The following HS6ST3 variants were observed in gnomAD, a reference collection of about 807,000 sequenced individuals.
HS6ST3 encodes the protein heparan sulfate 6-O-sulfotransferase 3.
HS6ST3 carries 12 observed loss-of-function variants against 36.7 expected under a neutral mutation model. The ratio of observed to expected loss-of-function variants is 0.33; its 90% CI spans 0.21 to 0.53. The LOEUF (loss-of-function observed/expected upper bound fraction) is 0.53. HS6ST3 is among the 20% of genes least tolerant of loss of function. The pLI is 0.95. For synonymous variants in HS6ST3, 240 were observed against 257.5 expected (o/e 0.93, Z 0.65); for missense variants, 584 against 640.9 (o/e 0.91, Z 0.96).
chr13:96,798,178 G>A (rs1451483296), intron 1 of HS6ST3, among the ~76,000 whole-genome samples: 3 of 151,970 alleles, frequency 2.0e-5, no homozygotes, highest in African/African-American at 7.2e-5. Flanking sequence ...TATGGGAAGG[G>A]GCATGGAGTT....
intron 1 of HS6ST3, among the ~76,000 whole-genome samples, chr13:96,619,595 G>A (rs1204209087): frequency 6.6e-6 from 1 of 152,130 alleles, no homozygotes; most frequent in Non-Finnish European, 1.5e-5. Context: ...GTGTATTTAT[G>A]ATTGAACAGA....
chr13:96,431,928 C>T (rs2055617757), intron 1 of HS6ST3, among the ~76,000 whole-genome samples: 1 of 152,118 alleles, frequency 6.6e-6, no homozygotes, highest in South Asian at 2.1e-4. Flanking sequence ...CAGAACAAAG[C>T]ATGGTCAGCA....
chr13:96,233,422 G>A (rs2054517727), intron 1 of HS6ST3, among the ~76,000 whole-genome samples: 1 of 152,126 alleles, frequency 6.6e-6, no homozygotes, highest in Non-Finnish European at 1.5e-5. Flanking sequence ...AATAGCCAGT[G>A]GAAAATGCGG....
chr13:96,769,028 G>A (rs974486370), intron 1 of HS6ST3, among the ~76,000 whole-genome samples: 3 of 152,042 alleles, frequency 2.0e-5, no homozygotes, highest in Non-Finnish European at 4.4e-5. Context: ...AGCCATTTGG[G>A]GGACACTGCC....
At chr13:96,758,390 C>A (rs1438590578) in intron 1 of HS6ST3, among the ~76,000 whole-genome samples, 1 of 151,754 alleles carries the variant, frequency 6.6e-6, no homozygotes, top group Admixed American at 6.6e-5. Flanking sequence ...TACTTAATTC[C>A]ATCTGTTGAT....
At chr13:96,742,244 G>A (rs942593682) in intron 1 of HS6ST3, among the ~76,000 whole-genome samples, 9 of 151,928 alleles carry the variant, frequency 5.9e-5, no homozygotes, top group East Asian at 1.9e-4. Context: ...ACAAAAATAC[G>A]GCAGAAAAGG....
chr13:96,258,063 T>G (rs1261744473), intron 1 of HS6ST3, among the ~76,000 whole-genome samples: 1 of 152,236 alleles, frequency 6.6e-6, no homozygotes, highest in African/African-American at 2.4e-5. Flanking sequence ...TCCACTGGAC[T>G]TGATGGCAGT....
intron 1 of HS6ST3, among the ~76,000 whole-genome samples, chr13:96,340,591 G>A (rs2055125103): frequency 6.6e-6 from 1 of 152,194 alleles, no homozygotes; most frequent in African/African-American, 2.4e-5. Flanking sequence ...TGCCACACTA[G>A]GTGCCAAGAC....
chr13:96,790,071 G>A (rs1419754380), intron 1 of HS6ST3, among the ~76,000 whole-genome samples: 2 of 151,736 alleles, frequency 1.3e-5, no homozygotes, highest in Admixed American at 6.6e-5. Context: ...TTTCCTGTGA[G>A]TCCACAAGGC....
At chr13:96,253,212 C>T (rs2054616001) in intron 1 of HS6ST3, among the ~76,000 whole-genome samples, 1 of 152,012 alleles carries the variant, frequency 6.6e-6, no homozygotes. Flanking sequence ...TTGAGAACTG[C>T]AGGCCAGTTG....
chr13:96,449,938 C>T (rs2055719050), intron 1 of HS6ST3, among the ~76,000 whole-genome samples: 1 of 152,282 alleles, frequency 6.6e-6, no homozygotes, highest in African/African-American at 2.4e-5. Context: ...ATATTGCTTA[C>T]TAAAACTCTA....
chr13:96,359,207 A>G (rs1257909848), intron 1 of HS6ST3, among the ~76,000 whole-genome samples: 7 of 152,102 alleles, frequency 4.6e-5, no homozygotes, highest in Non-Finnish European at 1.0e-4. Flanking sequence ...ACTAGAAACA[A>G]ATACATTATG....
intron 1 of HS6ST3, among the ~76,000 whole-genome samples, chr13:96,822,280 C>G (rs554134990): frequency 6.6e-6 from 1 of 152,300 alleles, no homozygotes; most frequent in Admixed American, 6.5e-5. Context: ...CATCCTCATG[C>G]CCAAATCCCA....
At chr13:96,585,211 C>T (rs992719165) in intron 1 of HS6ST3, among the ~76,000 whole-genome samples, 1 of 151,904 alleles carries the variant, frequency 6.6e-6, no homozygotes, top group Non-Finnish European at 1.5e-5. Flanking sequence ...ATACTTGGCA[C>T]TATTATAGAG....
At position 96,091,002 on chromosome 13, in the gene HS6ST3, G is replaced by A; in HGVS notation, c.140G>A (p.Gly47Asp). ...GAGCAGCCCCGCGCGGGGGAGGCCG[G>A]CCCGCCCGCCGTCCCGGGTCCCGCC... is the stretch of plus-strand genomic sequence containing the variant. ...FGEQPRAGEAGPPAVPGPARR... is the reference protein window; with the variant it reads ...FGEQPRAGEADPPAVPGPARR... The change falls in exon 1 of 2, where the codon GGC (glycine) becomes GAC (aspartate). Residue 47 changes from glycine to aspartate, a missense_variant. Transcript: ENST00000376705. The A allele has an allele frequency of 7.7e-7, 1 of 1,298,204 alleles. No homozygotes were observed. The allele number at this position is 1,298,204 out of a possible 1,614,324, so 80.4% of individuals were successfully genotyped here.
intron 1 of HS6ST3, among the ~76,000 whole-genome samples, chr13:96,794,418 A>G (rs1877862759): frequency 6.6e-6 from 1 of 152,126 alleles, no homozygotes; most frequent in Admixed American, 6.6e-5. Flanking sequence ...AAAAATAGAC[A>G]TATGTTAACA....
intron 1 of HS6ST3, among the ~76,000 whole-genome samples, chr13:96,655,904 T>C (rs1233957621): frequency 6.6e-6 from 1 of 152,132 alleles, no homozygotes; most frequent in African/African-American, 2.4e-5. Context: ...ATTGTGCATC[T>C]CAAGGACGAA....
chr13:96,317,582 T>C (rs2054982323), intron 1 of HS6ST3, among the ~76,000 whole-genome samples: 1 of 151,476 alleles, frequency 6.6e-6, no homozygotes, highest in African/African-American at 2.4e-5. Flanking sequence ...TACTTAGTAA[T>C]GGGATTGCTG....
intron 1 of HS6ST3, among the ~76,000 whole-genome samples, chr13:96,504,856 T>C (rs963147429): frequency 6.6e-6 from 1 of 152,170 alleles, no homozygotes; most frequent in Non-Finnish European, 1.5e-5. Context: ...TCTTAGGTAA[T>C]AGACATAAAG....
Sources: allele counts gnomAD v4.1 joint callset (sites outside exome capture counted in the v4.1 genomes callset), GRCh38; gene constraint gnomAD v4.1.1; transcripts MANE v1.5; gene names NCBI Gene and HGNC (gene_info 2026-07-23, HGNC 2026-07-21).